C2orf42: variants seen among roughly 807,000 people sequenced by gnomAD.
C2orf42 encodes chromosome 2 open reading frame 42, also known as uncharacterized protein C2orf42.
In C2orf42, 44 loss-of-function variants were observed where a neutral mutation model predicts 58.9. The observed-to-expected ratio is 0.75, with a 90% CI of 0.59 to 0.96. C2orf42 has a LOEUF of 0.96. Among genes scored for constraint, C2orf42 ranks in the 40% least tolerant of loss-of-function variants. C2orf42 has a pLI of 0.00. For synonymous variants in C2orf42, 239 were observed against 265.4 expected (o/e 0.90, Z 0.97); for missense variants, 630 against 699.2 (o/e 0.90, Z 1.12).
chr2:70,161,193 C>T (rs1374468832), intron 8 of C2orf42, among the ~76,000 whole-genome samples: 1 of 152,176 alleles, frequency 6.6e-6, no homozygotes, highest in African/African-American at 2.4e-5. Flanking sequence ...ATGCTTCATA[C>T]TGTCCTTGGG....
intron 1 of C2orf42, among the ~76,000 whole-genome samples, chr2:70,183,867 G>A (rs1268966369): frequency 6.6e-6 from 1 of 152,046 alleles, no homozygotes; most frequent in Non-Finnish European, 1.5e-5. Context: ...GTGCAGTGGT[G>A]TGATCACAGC....
intron 3 of C2orf42, among the ~76,000 whole-genome samples, chr2:70,180,693 GCTGA>G (rs1171000050): frequency 6.6e-6 from 1 of 150,496 alleles, no homozygotes; most frequent in Non-Finnish European, 1.5e-5. Flanking sequence ...ATGCAAGTGT[GCTGA>G]CTGAGACTGA....
At chr2:70,154,740 A>G (rs1672550232) in intron 9 of C2orf42, among the ~76,000 whole-genome samples, 1 of 151,776 alleles carries the variant, frequency 6.6e-6, no homozygotes, top group Admixed American at 6.6e-5. Flanking sequence ...CCAGAGAATC[A>G]AAGTTTTTTG....
At position 70,175,687 on chromosome 2, in the gene C2orf42, G is replaced by A. The variant is rs753559635; in HGVS notation, c.1025C>T (p.Ser342Leu). The change falls in exon 5 of 10, where the codon TCG (serine) becomes TTG (leucine). Residue 342 changes from serine (S) to leucine (L), a missense_variant. Transcript: ENST00000264434. Reference protein sequence around the residue: ...SGLKKPVVASSLKRQACGQLL... With the variant: ...SGLKKPVVASLLKRQACGQLL... ...GGGAAACTTACCCTGCCTTTTTAACGAGGAAGCAACCACAGGCTTTTTCAG... is the reference window on the plus strand; with the variant it reads ...GGGAAACTTACCCTGCCTTTTTAACAAGGAAGCAACCACAGGCTTTTTCAG... 42 of 1,607,934 alleles carry A rather than the reference G, an allele frequency of 2.6e-5. No homozygotes were observed. The South Asian group carries it at 3.5e-4, about 13-fold the overall frequency.
intron 8 of C2orf42, among the ~76,000 whole-genome samples, chr2:70,164,330 C>T (rs546003211): frequency 2.6e-5 from 4 of 151,534 alleles, no homozygotes; most frequent in African/African-American, 9.7e-5. Flanking sequence ...AAAAAAAAGA[C>T]CAAAAAAAAA....
At chr2:70,151,815 C>T (rs1672332020) in intron 9 of C2orf42, among the ~76,000 whole-genome samples, 1 of 151,918 alleles carries the variant, frequency 6.6e-6, no homozygotes, top group Non-Finnish European at 1.5e-5. Context: ...TGGAGTATTG[C>T]TCTGTTGCCC....
In C2orf42 at chr2:70,181,966, C is replaced by T; in HGVS notation, c.20G>A (p.Arg7Lys). The T allele has an allele frequency of 6.2e-7, 1 of 1,610,146 alleles. No homozygotes were observed. Among genetic ancestry groups the T allele is most frequent in the East Asian group, 2.2e-5 (1 of 44,854 alleles). Residue 7 changes from arginine (R) to lysine (K), a missense_variant, in exon 3 of 10, where the codon AGG (arginine) becomes AAG (lysine). Arg to Lys is a conservative substitution (Grantham distance 26). Coordinates refer to ENST00000264434, the MANE Select transcript of C2orf42 (RefSeq NM_017880.3). The part of the protein sequence containing the change: MEPNSL[R>K]TKVPAFLSDL... Reference sequence around the variant, plus strand: ...AGATAAGAAAGCTGGGACTTTAGTCCTCAGAGAATTTGGTTCCATTTTTCA... The same window carrying T: ...AGATAAGAAAGCTGGGACTTTAGTCTTCAGAGAATTTGGTTCCATTTTTCA...
rs570212260 is a variant in C2orf42 at position 70,152,969 on chromosome 2, G to A, written c.1517-2405C>T. 1.6e-4 allele frequency among the ~76,000 whole-genome samples: 24 copies of A among 151,664 alleles called. No homozygotes were observed. In the South Asian group the frequency reaches 4.8e-3, roughly 30 times the overall value. On this transcript the variant is annotated intron_variant, in intron 9 of 9. Transcript: ENST00000264434. ...AATTGCTTGAACCTGGGAGGCAGGGGTTGCAGTGAGCCAAGATCGCACCAC... is the reference window on the plus strand; with the variant it reads ...AATTGCTTGAACCTGGGAGGCAGGGATTGCAGTGAGCCAAGATCGCACCAC...
chr2:70,185,768 TACACACATATATATATATACACAC>T (rs1427233485), intron 1 of C2orf42, among the ~76,000 whole-genome samples: 2 of 149,816 alleles, frequency 1.3e-5, no homozygotes, highest in African/African-American at 5.0e-5. Context: ...CATACATATA[TACACACATATATATATATACACAC>T]ACACATATAT....
intron 1 of C2orf42, among the ~76,000 whole-genome samples, chr2:70,189,406 C>CAAAAAAAAAAAAAAAAA (rs1182514916): frequency 3.7e-5 from 1 of 27,126 alleles, no homozygotes; most frequent in African/African-American, 9.5e-5. Context: ...AACTCCATCT[C>CAAAAAAAAAAAAAAAAA]AAAAAAAAAA....
chr2:70,186,902 A>G (rs1384278844), intron 1 of C2orf42, among the ~76,000 whole-genome samples: 1 of 147,794 alleles, frequency 6.8e-6, no homozygotes, highest in Non-Finnish European at 1.5e-5. Flanking sequence ...GAATTGAACA[A>G]TGAGAACACA....
chr2:70,153,675 TAA>T (rs201383627), intron 9 of C2orf42, among the ~76,000 whole-genome samples: 3 of 135,358 alleles, frequency 2.2e-5, no homozygotes, highest in Admixed American at 7.5e-5. Context: ...AACAGGAAAT[TAA>T]AAAAAAAAAA....
chr2:70,158,412 A>G (rs888382291), intron 9 of C2orf42, among the ~76,000 whole-genome samples: 5 of 151,378 alleles, frequency 3.3e-5, no homozygotes, highest in South Asian at 2.1e-4. Flanking sequence ...AAAAAATTGC[A>G]TATTCCTTTT....
Position 70,181,465 on chromosome 2 carries a change from G to A in C2orf42, c.521C>T (p.Thr174Met), listed in dbSNP as rs202165117. The A allele has an allele frequency of 2.0e-5, 32 of 1,613,778 alleles. No homozygotes were observed. The highest frequency in any genetic ancestry group is 1.6e-4 in the East Asian group (7 of 44,892). ...CTGCACCAGAGGACCTGTGGGTTCCGTGGCCAACTGCCAGATGGTCTGTTT... is the reference window on the plus strand; with the variant it reads ...CTGCACCAGAGGACCTGTGGGTTCCATGGCCAACTGCCAGATGGTCTGTTT... ...ETKQTIWQLA[T>M]EPTGPLVQRI... The change falls in exon 3 of 10, where the codon ACG (threonine) becomes ATG (methionine). Residue 174 changes from threonine (T) to methionine (M), a missense_variant. Thr to Met is a moderately conservative substitution (Grantham distance 81). Coordinates refer to ENST00000264434, the MANE Select transcript of C2orf42 (RefSeq NM_017880.3).
rs1231586182 is a variant in C2orf42, at chr2:70,165,573, T to C, written c.1207A>G (p.Ile403Val). ...CGTTTTTTTGCACTTCCTATAGATA[T>C]TCTTTGTTGCAGGGCATCAAAAAAT... Reference protein sequence around the residue: ...QSFFDALQQRISIGSAKKRLP... With the variant: ...QSFFDALQQRVSIGSAKKRLP... Residue 403 changes from isoleucine to valine, a missense_variant, in exon 7 of 10, where the codon ATA becomes GTA. By Grantham distance (29) the Ile-to-Val change is conservative. Transcript: ENST00000264434. 6.8e-6 allele frequency: 11 copies of C among 1,612,394 alleles called. No individual in the cohort carries two copies. The African/African-American group carries it at 1.1e-4, about 16-fold the overall frequency.
intron 9 of C2orf42, among the ~76,000 whole-genome samples, chr2:70,157,053 G>A (rs1017738928): frequency 6.6e-6 from 1 of 152,114 alleles, no homozygotes; most frequent in Non-Finnish European, 1.5e-5. Context: ...ATAATTAAAG[G>A]CTTTTAGAAA....
At position 70,165,293 on chromosome 2, in the gene C2orf42, T is replaced by C. The variant is rs540609698; in HGVS notation, c.1253-101A>G. The C allele has an allele frequency of 1.1e-4, 76 of 698,406 alleles. 1 individual carries two copies. The highest frequency in any genetic ancestry group is 8.6e-4 in the South Asian group (46 of 53,490). The allele number at this position is 698,406 out of a possible 1,614,324, so 43.3% of individuals were successfully genotyped here. A position where few individuals can be genotyped will look rare whatever the true frequency, so the allele number is the denominator to read the frequency against. On this transcript the variant is annotated intron_variant, in intron 7 of 9. Coordinates refer to ENST00000264434, the MANE Select transcript of C2orf42 (RefSeq NM_017880.3). Reference sequence around the variant, plus strand: ...CTAATACAGTACTATTATTTCCTTATAGATTCTCAGCACTTTTAAAAAGAA... The same window carrying C: ...CTAATACAGTACTATTATTTCCTTACAGATTCTCAGCACTTTTAAAAAGAA...
At chr2:70,171,443 C>A (rs1390477978) in intron 5 of C2orf42, among the ~76,000 whole-genome samples, 1 of 152,126 alleles carries the variant, frequency 6.6e-6, no homozygotes, top group Non-Finnish European at 1.5e-5. Flanking sequence ...GATGCACGCA[C>A]TGTGGGTTGC....
At chr2:70,160,559 G>C in intron 9 of C2orf42, 66 bp downstream of exon 9, 2 of 1,059,314 alleles carry the variant, frequency 1.9e-6, no homozygotes, top group Non-Finnish European at 2.7e-6. Flanking sequence ...CCAAAGCTTT[G>C]GACAGTGTAC....
Sources: allele counts gnomAD v4.1 joint callset (sites outside exome capture counted in the v4.1 genomes callset), GRCh38; gene constraint gnomAD v4.1.1; transcripts MANE v1.5; gene names NCBI Gene and HGNC (gene_info 2026-07-23, HGNC 2026-07-21).